The following ASTN2 variants were observed in gnomAD, a reference collection of about 807,000 sequenced individuals.
The protein encoded by ASTN2 is astrotactin 2, also known as astrotactin-2.
In ASTN2, 54 loss-of-function variants were observed where a neutral mutation model predicts 139.8. The ratio of observed to expected loss-of-function variants is 0.39; its 90% confidence interval spans 0.31 to 0.48. ASTN2 has a LOEUF of 0.48. Ranked by LOEUF, ASTN2 falls within the 20% of genes least tolerant of loss-of-function variation. The pLI is 0.95. For synonymous variants in ASTN2, 756 were observed against 719.5 expected, an observed-to-expected ratio of 1.05 and a Z score of -0.81; for missense variants, 1,565 against 1,725.1, an observed-to-expected ratio of 0.91 and a Z score of 1.64.
intron 17 of ASTN2, among the ~76,000 whole-genome samples, chr9:116,624,155 C>A (rs1856320477): frequency 6.6e-6 from 1 of 152,080 alleles, no homozygotes; most frequent in African/African-American, 2.4e-5. Flanking sequence ...GAGAAAACAG[C>A]CACAAAAATA....
intron 5 of ASTN2, among the ~76,000 whole-genome samples, chr9:117,089,631 G>A (rs142629379): frequency 2.0e-5 from 3 of 151,994 alleles, no homozygotes; most frequent in African/African-American, 4.8e-5. Context: ...CCCATCACCT[G>A]AGCAGTATAC....
At chr9:116,690,332 C>G (rs1183182568) in intron 16 of ASTN2, among the ~76,000 whole-genome samples, 5 of 152,232 alleles carry the variant, frequency 3.3e-5, no homozygotes, top group African/African-American at 1.2e-4. Flanking sequence ...GGTTAAATGA[C>G]TTACCCAGGG....
intron 22 of ASTN2, among the ~76,000 whole-genome samples, chr9:116,429,305 C>T (rs1412306391): frequency 6.9e-6 from 1 of 145,950 alleles, no homozygotes; most frequent in Non-Finnish European, 1.5e-5. Flanking sequence ...TGCCATTGCA[C>T]TCCAGCCTGG....
chr9:116,602,736 C>A (rs1854971154), intron 19 of ASTN2, among the ~76,000 whole-genome samples: 1 of 152,062 alleles, frequency 6.6e-6, no homozygotes, highest in Admixed American at 6.5e-5. Context: ...CGAGACCAGC[C>A]TGGGCAACAT....
At chr9:117,405,533 T>C (rs1830959130) in intron 1 of ASTN2, among the ~76,000 whole-genome samples, 2 of 152,180 alleles carry the variant, frequency 1.3e-5, no homozygotes, top group Admixed American at 6.5e-5. Flanking sequence ...ACATTACAAC[T>C]CTGGAATTCC....
chr9:117,232,199 G>T (rs1187173534), intron 2 of ASTN2, among the ~76,000 whole-genome samples: 7 of 152,198 alleles, frequency 4.6e-5, no homozygotes, highest in Non-Finnish European at 8.8e-5. Flanking sequence ...AGGGTCCCAT[G>T]AGTGTATTGT....
intron 7 of ASTN2, among the ~76,000 whole-genome samples, chr9:117,006,578 C>T (rs1054368934): frequency 6.6e-6 from 1 of 152,112 alleles, no homozygotes; most frequent in African/African-American, 2.4e-5. Context: ...CTTTGAACAC[C>T]CCTGAATCAA....
In ASTN2 at chr9:116,629,300, G is replaced by T. The variant is rs570257025; in HGVS notation, c.3073-8857C>A. On this transcript the variant is annotated intron_variant, in intron 17 of 22. Coordinates refer to ENST00000313400, the MANE Select transcript of ASTN2 (RefSeq NM_001365068.1). ...GCCCGGCTAATTTTTTGCATTTTTG[G>T]TAGAGATGGGGTTTCACTGTGTTAG... Among the ~76,000 whole-genome samples, 386 of 152,010 alleles carry T rather than the reference G, an allele frequency of 2.5e-3. 2 individuals carry two copies. The highest frequency in any genetic ancestry group is 8.8e-3 in the African/African-American group (367 of 41,518).
intron 3 of ASTN2, among the ~76,000 whole-genome samples, chr9:117,169,618 G>A (rs1830744790): frequency 6.6e-6 from 1 of 152,088 alleles, no homozygotes; most frequent in Admixed American, 6.6e-5. Context: ...TAGAAAAAAG[G>A]GCAGAGAATT....
intron 4 of ASTN2, among the ~76,000 whole-genome samples, chr9:117,127,325 G>C (rs73657666): frequency 6.6e-6 from 1 of 152,172 alleles, no homozygotes; most frequent in African/African-American, 2.4e-5. Context: ...AGCGTTTCTC[G>C]GCTAACACCC....
intron 1 of ASTN2, among the ~76,000 whole-genome samples, chr9:117,299,949 A>G (rs559240573): frequency 6.6e-6 from 1 of 152,304 alleles, no homozygotes; most frequent in South Asian, 2.1e-4. Flanking sequence ...CAGAGCCTCT[A>G]TGATTTTCTT....
chr9:116,757,933 G>A (rs1829578017), intron 13 of ASTN2, among the ~76,000 whole-genome samples: 1 of 152,118 alleles, frequency 6.6e-6, no homozygotes, highest in South Asian at 2.1e-4. Context: ...ACCTATCACA[G>A]GCCCTGATAT....
intron 20 of ASTN2, among the ~76,000 whole-genome samples, chr9:116,471,069 G>A (rs756138619): frequency 6.6e-6 from 1 of 152,122 alleles, no homozygotes; most frequent in Non-Finnish European, 1.5e-5. Flanking sequence ...TAATATCTGT[G>A]TAGAAGCCAG....
intron 1 of ASTN2, among the ~76,000 whole-genome samples, chr9:117,303,832 G>T (rs999338851): frequency 6.6e-6 from 1 of 152,202 alleles, no homozygotes; most frequent in African/African-American, 2.4e-5. Context: ...AGAGTTGGCT[G>T]CAGGACTTTC....
chr9:116,850,755 C>T (rs570009928), intron 11 of ASTN2, among the ~76,000 whole-genome samples: 95 of 152,232 alleles, frequency 6.2e-4, no homozygotes, highest in African/African-American at 1.6e-3. Context: ...TAGGAAAAAA[C>T]CTGCAAGGGT....
intron 10 of ASTN2, among the ~76,000 whole-genome samples, chr9:116,964,249 G>C (rs1190539896): frequency 7.2e-6 from 1 of 139,700 alleles, no homozygotes; most frequent in African/African-American, 2.7e-5. Flanking sequence ...GTGTGTGTGT[G>C]TGTGTGTGCG....
At chr9:117,012,538 C>G (rs1837565772) in intron 6 of ASTN2, among the ~76,000 whole-genome samples, 1 of 152,138 alleles carries the variant, frequency 6.6e-6, no homozygotes. Context: ...CAAGAGAGAT[C>G]AAATATCTGC....
At chr9:116,681,830 A>G (rs1859888087) in intron 16 of ASTN2, among the ~76,000 whole-genome samples, 2 of 151,814 alleles carry the variant, frequency 1.3e-5, no homozygotes, top group Admixed American at 1.3e-4. Flanking sequence ...ATATGTAGAA[A>G]GCTGAAACTG....
At chr9:117,151,102 G>A (rs1830317513) in intron 3 of ASTN2, among the ~76,000 whole-genome samples, 2 of 151,926 alleles carry the variant, frequency 1.3e-5, no homozygotes, top group South Asian at 4.2e-4. Flanking sequence ...GGCTCAAGGG[G>A]TCCTCCCACT....
Sources: gnomAD v4.1 joint callset for allele counts (sites outside exome capture counted in the v4.1 genomes callset) on GRCh38, gnomAD v4.1.1 for gene constraint, MANE v1.5 for transcripts, NCBI Gene and HGNC (gene_info 2026-07-23, HGNC 2026-07-21) for gene names.